SPG7: variants seen among roughly 807,000 people sequenced by gnomAD.
The protein encoded by SPG7 is SPG7 matrix AAA peptidase subunit, paraplegin.
SPG7 carries 103 observed loss-of-function variants against 81.9 expected under a neutral mutation model. The observed-to-expected ratio is 1.26, with a 90% confidence interval of 1.07 to 1.48. SPG7 has a LOEUF of 1.48. Ranked by LOEUF, SPG7 falls within the 40% of genes most tolerant of loss-of-function variation. SPG7 has a pLI of 0.00. For synonymous variants in SPG7, 534 were observed against 444.2 expected (o/e 1.20, Z -2.54); for missense variants, 1,241 against 1,087.3 (o/e 1.14, Z -1.99).
chr16:89,512,634 T>G (rs1455440381), intron 2 of SPG7, among the ~76,000 whole-genome samples: 1 of 152,228 alleles, frequency 6.6e-6, no homozygotes, highest in Non-Finnish European at 1.5e-5. Context: ...TTAAAGCAAC[T>G]TCATATATTA....
chr16:89,556,083 C>T (rs2058685497), intron 16 of SPG7: 1 of 398,862 alleles, frequency 2.5e-6, no homozygotes, highest in Non-Finnish European at 4.4e-6. Flanking sequence ...AGCAAAGCTG[C>T]AGGCAAGGCT....
At chr16:89,508,845 A>C in intron 1 of SPG7, 1 of 673,214 alleles carries the variant, frequency 1.5e-6, no homozygotes. Flanking sequence ...GACTTTCCCA[A>C]CCCGTCTGTT....
chr16:89,548,703 C>T (rs1323317224), intron 12 of SPG7: 2 of 350,582 alleles, frequency 5.7e-6, no homozygotes, highest in Admixed American at 3.8e-5. Flanking sequence ...AGTGTGGGGT[C>T]TGCGACGTCT....
intron 3 of SPG7, chr16:89,522,118 A>G (rs1181976182): frequency 6.6e-6 from 1 of 152,240 alleles, no homozygotes; most frequent in Non-Finnish European, 1.5e-5. Context: ...GGCTTTAAAT[A>G]ATTGCCTTTG....
At chr16:89,529,400 A>T in intron 5 of SPG7, 77 bp from the exon 6 acceptor site, 1 of 877,754 alleles carries the variant, frequency 1.1e-6, no homozygotes, top group Non-Finnish European at 1.9e-6. Context: ...CATTGCCAGC[A>T]GTGGTTCTGA....
chr16:89,524,705 A>G (rs1316747667), intron 4 of SPG7, among the ~76,000 whole-genome samples: 1 of 151,694 alleles, frequency 6.6e-6, no homozygotes, highest in Non-Finnish European at 1.5e-5. Flanking sequence ...TTGACCTCCC[A>G]AAGTGCTGGG....
intron 9 of SPG7, chr16:89,544,414 G>A: frequency 2.0e-6 from 1 of 507,972 alleles, no homozygotes; most frequent in South Asian, 1.9e-5. Flanking sequence ...GAGGGCCTTG[G>A]ACAGTTCTGC....
chr16:89,528,249 G>A (rs536736811), intron 5 of SPG7, among the ~76,000 whole-genome samples: 46 of 152,118 alleles, frequency 3.0e-4, no homozygotes, highest in Admixed American at 7.9e-4. Context: ...AAAATTAGCC[G>A]GGTGCGGTGG....
In SPG7 at chr16:89,530,342, C is replaced by T. The variant is rs527380717; in HGVS notation, c.862-341C>T. The T allele has an allele frequency of 1.3e-3, 464 of 368,126 alleles. 1 individual carries two copies. The Middle Eastern group carries it at 0.02, about 16-fold the overall frequency. The allele number at this position is 368,126 out of a possible 1,614,324, so 22.8% of individuals were successfully genotyped here. A position where few individuals can be genotyped will look rare whatever the true frequency, so the allele number is the denominator to read the frequency against. On this transcript the variant is annotated intron_variant, in intron 6 of 16. Coordinates refer to ENST00000645818, the MANE Select transcript of SPG7 (RefSeq NM_003119.4). ...TTGTATTTTTGGTAGAGACAGGTTT[C>T]ACCGTGTTAGCCAGGGTGGTCTCGA...
rs1457518888 is a variant in SPG7, at chr16:89,557,581, GC to G, written c.*490del. ...GTCATCCAGCTCACTCATCAATGGG[GC>G]CAGTCAGGCCCAGGCACTGGGCTCC... On this transcript the variant is annotated 3_prime_UTR_variant, in exon 17 of 17. Transcript: ENST00000645818. 1 of 179,472 alleles carries G rather than the reference GC, an allele frequency of 5.6e-6. No homozygotes were observed. The highest frequency in any genetic ancestry group is 1.2e-5 in the Non-Finnish European group (1 of 86,902). 11.1% of individuals were successfully genotyped at this position (179,472 alleles called of 1,614,324 possible). A position where few individuals can be genotyped will look rare whatever the true frequency, so the allele number is the denominator to read the frequency against.
chr16:89,556,776 C>T lies in SPG7; in HGVS notation c.2182-111C>T, dbSNP rs2058690866. On this transcript the variant is annotated intron_variant, in intron 16 of 16. Coordinates refer to ENST00000645818, the MANE Select transcript of SPG7 (RefSeq NM_003119.4). ...CGCTTCCCTGGGAAAGTGGCCTGTCCTGGGTGTCCTGCACACAGACAGGCC... is the reference window on the plus strand; with the variant it reads ...CGCTTCCCTGGGAAAGTGGCCTGTCTTGGGTGTCCTGCACACAGACAGGCC... 5 of 874,906 alleles carry T rather than the reference C, an allele frequency of 5.7e-6. 1 individual carries two copies. The highest frequency in any genetic ancestry group is 4.0e-5 in the South Asian group (3 of 75,550). 54.2% of individuals were successfully genotyped at this position (874,906 alleles called of 1,614,324 possible).
At position 89,536,572 on chromosome 16, in the gene SPG7, C is replaced by G. The variant is rs1252231047; in HGVS notation, c.1324+3936C>G. 6.1e-5 allele frequency among the ~76,000 whole-genome samples: 6 copies of G among 98,916 alleles called. 1 individual carries two copies. Among genetic ancestry groups the G allele is most frequent in the Admixed American group, 4.6e-4 (4 of 8,624 alleles). The allele number at this position is 98,916 out of a possible 152,430, so 64.9% of individuals were successfully genotyped here. A position where few individuals can be genotyped will look rare whatever the true frequency, so the allele number is the denominator to read the frequency against. ...GCAGGTGAGGTGAGGCGGGTGAGGT[C>G]AGGTGAGGCGGGTGAGGTGAGGCAG... On this transcript the variant is annotated intron_variant, in intron 9 of 16. Transcript: ENST00000645818.
chr16:89,541,179 C>A (rs1361247381), intron 9 of SPG7: 1 of 523,254 alleles, frequency 1.9e-6, no homozygotes, highest in East Asian at 1.3e-4. Context: ...ACTGGTGTAT[C>A]CTTATCACGG....
In SPG7 at chr16:89,557,501, G is replaced by T; in HGVS notation, c.*408G>T. 3.7e-6 allele frequency: 1 copy of T among 270,560 alleles called. No homozygotes were observed. The highest frequency in any genetic ancestry group is 7.3e-6 in the Non-Finnish European group (1 of 137,424). The allele number at this position is 270,560 out of a possible 1,614,324, so 16.8% of individuals were successfully genotyped here. ...TCCTGTGGCTCCCTCGGAATGCTAA[G>T]GGGATCGGACATGAAAGGACCCTGT... On this transcript the variant is annotated 3_prime_UTR_variant, in exon 17 of 17. Coordinates refer to ENST00000645818, the MANE Select transcript of SPG7 (RefSeq NM_003119.4).
intron 1 of SPG7, 135 bp from the exon 2 acceptor site, chr16:89,510,355 C>T: frequency 1.5e-6 from 1 of 651,058 alleles, no homozygotes; most frequent in Non-Finnish European, 2.7e-6. Context: ...CAGACTATTA[C>T]TTTATATTTC....
chr16:89,523,431 G>A (rs2058216939), intron 3 of SPG7: 2 of 333,034 alleles, frequency 6.0e-6, no homozygotes, highest in African/African-American at 2.2e-5. Flanking sequence ...TGTGGTAAAA[G>A]GTATTTGTTT....
chr16:89,543,006 GGC>G (rs2058515672), intron 9 of SPG7: 3 of 143,408 alleles, frequency 2.1e-5, no homozygotes, highest in Non-Finnish European at 4.5e-5. Context: ...GGAGTGCAGT[GGC>G]GTGATCTCGG....
In SPG7 at chr16:89,524,148, G is replaced by A; in HGVS notation, c.519G>A (p.Glu173=). The change falls in exon 4 of 17, where the codon GAG becomes GAA. Residue 173 remains glutamate (E), a synonymous_variant. Coordinates refer to ENST00000645818, the MANE Select transcript of SPG7 (RefSeq NM_003119.4). ...GSISWNDFVH[E]MLAKGEVQRV... Reference sequence around the variant, plus strand: ...TTTCCTGGAACGACTTTGTCCACGAGATGCTGGCCAAGGGCGAGGTGCAGC... The same window carrying A: ...TTTCCTGGAACGACTTTGTCCACGAAATGCTGGCCAAGGGCGAGGTGCAGC... 6.2e-7 allele frequency: 1 copy of A among 1,614,128 alleles called. No individual in the cohort carries two copies. The highest frequency in any genetic ancestry group is 1.3e-5 in the African/African-American group (1 of 75,042).
intron 9 of SPG7, chr16:89,540,283 G>C (rs2152407362): frequency 6.6e-6 from 1 of 152,272 alleles, no homozygotes; most frequent in South Asian, 2.1e-4. Flanking sequence ...CCTCTTAGGA[G>C]AGCTAGAGTA....
Sources: allele counts gnomAD v4.1 joint callset (sites outside exome capture counted in the v4.1 genomes callset), GRCh38; gene constraint gnomAD v4.1.1; transcripts MANE v1.5; gene names NCBI Gene and HGNC (gene_info 2026-07-23, HGNC 2026-07-21).